TPD52L2: variants seen among roughly 807,000 people sequenced by gnomAD.
The protein encoded by TPD52L2 is tumor protein D54.
Under a neutral mutation model 24.7 loss-of-function variants are expected in TPD52L2, and 19 were observed. The observed-to-expected ratio is 0.77, with a 90% CI of 0.54 to 1.13. The LOEUF (loss-of-function observed/expected upper bound fraction) is 1.13. Among genes scored for constraint, TPD52L2 ranks in the 50% most tolerant of loss-of-function variants. The pLI is 0.00. For synonymous variants in TPD52L2, 104 were observed against 100.2 expected, an observed-to-expected ratio of 1.04 and a Z score of -0.23; for missense variants, 236 against 250.4, an observed-to-expected ratio of 0.94 and a Z score of 0.39.
intron 2 of TPD52L2, among the ~76,000 whole-genome samples, chr20:63,870,229 C>T (rs1391720490): frequency 1.3e-5 from 2 of 152,192 alleles, no homozygotes; most frequent in Non-Finnish European, 2.9e-5. Flanking sequence ...AAGCCTCCAA[C>T]CATAATTTTT....
intron 4 of TPD52L2, among the ~76,000 whole-genome samples, chr20:63,876,290 T>C (rs2052674090): frequency 6.6e-6 from 1 of 152,260 alleles, no homozygotes; most frequent in African/African-American, 2.4e-5. Context: ...CTCCAGCTGT[T>C]GGGTTCTCAG....
At chr20:63,886,227 G>A (rs941512545) in intron 5 of TPD52L2, among the ~76,000 whole-genome samples, 4 of 152,170 alleles carry the variant, frequency 2.6e-5, no homozygotes, top group Non-Finnish European at 5.9e-5. Flanking sequence ...GCGTGGGATC[G>A]ACGCAGAGGC....
At chr20:63,867,773 T>TC (rs2052308989) in intron 1 of TPD52L2, among the ~76,000 whole-genome samples, 1 of 150,992 alleles carries the variant, frequency 6.6e-6, no homozygotes, top group Non-Finnish European at 1.5e-5. Flanking sequence ...AGTTTTTTTT[T>TC]CTTTTTCTTT....
chr20:63,871,926 A>G (rs6062563), intron 2 of TPD52L2, among the ~76,000 whole-genome samples: 6,769 of 151,944 alleles, frequency 0.045, 376 homozygotes, highest in East Asian at 0.25. Context: ...GAGCTATCGT[A>G]CCCGGCCAAG....
At chr20:63,870,084 C>T (rs965692161) in intron 2 of TPD52L2, among the ~76,000 whole-genome samples, 1 of 152,208 alleles carries the variant, frequency 6.6e-6, no homozygotes, top group African/African-American at 2.4e-5. Context: ...GCTGTGATTG[C>T]ATCCTGCACA....
intron 5 of TPD52L2, chr20:63,887,964 G>A (rs928235204): frequency 5.7e-6 from 2 of 352,620 alleles, no homozygotes; most frequent in African/African-American, 2.1e-5. Flanking sequence ...ACACTTCACG[G>A]TCTCAGCCTT....
chr20:63,889,746 G>C (rs946637952), intron 6 of TPD52L2, 104 bp from the exon 7 acceptor site: 3 of 1,102,240 alleles, frequency 2.7e-6, no homozygotes, highest in Non-Finnish European at 2.6e-6. Flanking sequence ...AGCAGTGTTC[G>C]TGTTACATAA....
intron 2 of TPD52L2, among the ~76,000 whole-genome samples, chr20:63,871,638 GTTT>G (rs71333723): frequency 7.5e-6 from 1 of 132,982 alleles, no homozygotes. Context: ...GCAAGAAAGA[GTTT>G]TTTTTTTTTT....
intron 1 of TPD52L2, among the ~76,000 whole-genome samples, chr20:63,867,045 C>T (rs1451378136): frequency 1.3e-5 from 2 of 151,400 alleles, no homozygotes; most frequent in Non-Finnish European, 2.9e-5. Flanking sequence ...CCTCTGCCTT[C>T]TGGGTTCAAG....
At chr20:63,889,298 TTTA>T (rs2053247755) in intron 6 of TPD52L2, 60 bp downstream of exon 6, 1 of 1,428,328 alleles carries the variant, frequency 7.0e-7, no homozygotes, top group East Asian at 2.3e-5. Context: ...CAGCAACTTG[TTTA>T]TTATTAGTCA....
intron 4 of TPD52L2, among the ~76,000 whole-genome samples, chr20:63,881,209 A>G (rs1455444460): frequency 6.6e-5 from 10 of 152,036 alleles, no homozygotes; most frequent in African/African-American, 4.8e-5. Context: ...TAAAAAGACA[A>G]ATTTAGCAGG....
Position 63,865,274 on chromosome 20 carries a change from C to G in TPD52L2, c.-92C>G. On this transcript the variant is annotated 5_prime_UTR_variant, in exon 1 of 7. Transcript: ENST00000346249. ...GAAACGCCGCGGAGCTGAGGCAGTT[C>G]CGCTGGCTAGTGTGTACGCGGCGAG... 1.4e-6 allele frequency: 2 copies of G among 1,390,916 alleles called. No homozygotes were observed. Among genetic ancestry groups the G allele is most frequent in the Non-Finnish European group, 1.9e-6 (2 of 1,060,308 alleles). The allele number at this position is 1,390,916 out of a possible 1,614,324, so 86.2% of individuals were successfully genotyped here.
In TPD52L2 at chr20:63,888,904, G is replaced by C. The variant is rs1157426833; in HGVS notation, c.477-286G>C. ...CGAGAGCCCGGGATGTCCCTGTAGG[G>C]TATGACAGAGAGGGGCCGACATCTC... On this transcript the variant is annotated intron_variant, in intron 5 of 6. Transcript: ENST00000346249. 6 of 527,178 alleles carry C rather than the reference G, an allele frequency of 1.1e-5. No homozygotes were observed. The East Asian group carries it at 1.9e-4, about 17-fold the overall frequency. The allele number at this position is 527,178 out of a possible 1,614,324, so 32.7% of individuals were successfully genotyped here.
At chr20:63,881,020 C>T (rs903462645) in intron 4 of TPD52L2, among the ~76,000 whole-genome samples, 2 of 151,516 alleles carry the variant, frequency 1.3e-5, no homozygotes, top group African/African-American at 4.9e-5. Context: ...TGCACGGAGC[C>T]TGGATGGGAA....
chr20:63,886,166 G>A, intron 5 of TPD52L2: 1 of 936,648 alleles, frequency 1.1e-6, no homozygotes, highest in South Asian at 1.3e-5. Flanking sequence ...ACCCCTTCCA[G>A]GACAGCAGTG....
At chr20:63,880,602 A>G (rs1351254477) in intron 4 of TPD52L2, among the ~76,000 whole-genome samples, 1 of 152,218 alleles carries the variant, frequency 6.6e-6, no homozygotes, top group Non-Finnish European at 1.5e-5. Context: ...CAGAATTTGT[A>G]TTTTTGGGCT....
chr20:63,866,335 C>T (rs182151754), intron 1 of TPD52L2, among the ~76,000 whole-genome samples: 13 of 152,248 alleles, frequency 8.5e-5, no homozygotes, highest in African/African-American at 2.2e-4. Flanking sequence ...GATCTCTTGA[C>T]CTTGTGATCC....
Position 63,873,525 on chromosome 20 carries a change from C to T in TPD52L2, c.166-143C>T, listed in dbSNP as rs2052546403. The T allele has an allele frequency of 6.8e-6, 6 of 882,546 alleles. No individual in the cohort carries two copies. The East Asian group carries it at 9.6e-5, about 14-fold the overall frequency. 54.7% of individuals were successfully genotyped at this position (882,546 alleles called of 1,614,324 possible). A position where few individuals can be genotyped will look rare whatever the true frequency, so the allele number is the denominator to read the frequency against. ...AAACCAAAACCCAAAAATCAGATGT[C>T]TGCTGTAGATGCTGTTATTCCTAGG... On this transcript the variant is annotated intron_variant, in intron 2 of 6. Transcript: ENST00000346249.
intron 4 of TPD52L2, 128 bp downstream of exon 4, chr20:63,876,003 A>T: frequency 1.1e-6 from 1 of 934,624 alleles, no homozygotes; most frequent in Non-Finnish European, 1.6e-6. Flanking sequence ...TTTTCTTCCT[A>T]TAACTTTTCT....
Sources: gnomAD v4.1 joint callset for allele counts (sites outside exome capture counted in the v4.1 genomes callset) on GRCh38, gnomAD v4.1.1 for gene constraint, MANE v1.5 for transcripts, NCBI Gene and HGNC (gene_info 2026-07-23, HGNC 2026-07-21) for gene names.